SLC22A3: variants seen among roughly 807,000 people sequenced by gnomAD.
SLC22A3 encodes the protein solute carrier family 22 member 3, also known as EMT organic cation transporter 3.
SLC22A3 carries 51 observed loss-of-function variants against 59.1 expected under a neutral mutation model. The observed-to-expected ratio is 0.86, with a 90% confidence interval of 0.69 to 1.09. SLC22A3 has a LOEUF of 1.09. Ranked by LOEUF, SLC22A3 falls within the 50% of genes least tolerant of loss-of-function variation. The probability of loss-of-function intolerance (pLI) is 0.00; values close to 1 mark genes in which losing one functional copy is unlikely to be tolerated. For missense variants in SLC22A3, 711 were observed against 726.3 expected (o/e 0.98, Z 0.24); for synonymous variants, 325 against 292.0 (o/e 1.11, Z -1.15).
chr6:160,400,084 A>ATTTTTTTTT lies in SLC22A3; in HGVS notation c.533+2020_533+2028dup, dbSNP rs760874011. ...TCAAAGGAGGGCCCAAGCTTTTGTG[A>ATTTTTTTTT]TTTTTTTTTTTTTTTTTTTTTTTTT... is the stretch of plus-strand genomic sequence containing the variant. On this transcript the variant is annotated intron_variant, in intron 2 of 10. Transcript: ENST00000275300. Among the ~76,000 whole-genome samples, 52 of 95,434 alleles carry ATTTTTTTTT rather than the reference A, an allele frequency of 5.4e-4. 2 individuals are homozygous for ATTTTTTTTT. Among genetic ancestry groups the ATTTTTTTTT allele is most frequent in the African/African-American group, 2.1e-3 (52 of 24,494 alleles). 62.6% of individuals were successfully genotyped at this position (95,434 alleles called of 152,430 possible). A position where few individuals can be genotyped will look rare whatever the true frequency, so the allele number is the denominator to read the frequency against.
Position 160,451,026 on chromosome 6 carries a change from G to A in SLC22A3, c.1641G>A (p.Lys547=), listed in dbSNP as rs1562508060. ...ATTCCTGTAAATGTGGCAGGAATAAGAAAACCCCAGTTTCCCGCTCTCACC... is the reference window on the plus strand; with the variant it reads ...ATTCCTGTAAATGTGGCAGGAATAAAAAAACCCCAGTTTCCCGCTCTCACC... ...SPHSCKCGRN[K]KTPVSRSHL The change falls in exon 11 of 11, where the codon AAG becomes AAA. Residue 547 remains lysine, a synonymous_variant. Transcript: ENST00000275300. 1 of 1,595,432 alleles carries A rather than the reference G, an allele frequency of 6.3e-7. No homozygotes were observed. The highest frequency in any genetic ancestry group is 8.6e-7 in the Non-Finnish European group (1 of 1,169,288).
At chr6:160,410,905 C>T in intron 5 of SLC22A3, 59 bp downstream of exon 5, 6 of 1,001,460 alleles carry the variant, frequency 6.0e-6, no homozygotes, top group Non-Finnish European at 9.4e-6. Flanking sequence ...GATTTTGTTG[C>T]TTCTTGTGTA....
intron 5 of SLC22A3, chr6:160,426,257 A>C: frequency 1.0e-6 from 1 of 985,392 alleles, no homozygotes; most frequent in Non-Finnish European, 1.2e-6. Flanking sequence ...TGGATATTTG[A>C]CAAATTTGGA....
At chr6:160,351,448 T>G (rs1784658889) in intron 1 of SLC22A3, among the ~76,000 whole-genome samples, 1 of 152,226 alleles carries the variant, frequency 6.6e-6, no homozygotes, top group African/African-American at 2.4e-5. Context: ...TGTGCTTCTT[T>G]TGGTTTGTTT....
At chr6:160,403,114 A>T (rs1472836556) in intron 2 of SLC22A3, among the ~76,000 whole-genome samples, 1 of 151,560 alleles carries the variant, frequency 6.6e-6, no homozygotes, top group Non-Finnish European at 1.5e-5. Context: ...TGAAACGATC[A>T]AAAAAAATCA....
chr6:160,413,124 A>G (rs1787324386), intron 5 of SLC22A3, among the ~76,000 whole-genome samples: 1 of 152,220 alleles, frequency 6.6e-6, no homozygotes, highest in African/African-American at 2.4e-5. Context: ...ATAATGTTGG[A>G]TTAACCAGGC....
Position 160,348,769 on chromosome 6 carries a change from TC to T in SLC22A3, c.354del (p.Asn119ThrfsTer43). 6.5e-7 allele frequency: 1 copy of T among 1,547,518 alleles called. No individual in the cohort carries two copies. The highest frequency in any genetic ancestry group is 8.7e-7 in the Non-Finnish European group (1 of 1,153,084). On this transcript the variant is annotated frameshift_variant, in exon 1 of 11. Coordinates refer to ENST00000275300, the MANE Select transcript of SLC22A3 (RefSeq NM_021977.4). LOFTEE classifies it high-confidence loss of function. ...AGCTGCGCGGACCCACTCGCCGCCT[TC>T]CCCAACCGCTCGGCTCCCCTTGTGC... is the stretch of plus-strand genomic sequence containing the variant. ...ALSCADPLAA[F>X]PNRSAPLVPC...
intron 4 of SLC22A3, among the ~76,000 whole-genome samples, chr6:160,410,155 T>A (rs913340786): frequency 6.6e-6 from 1 of 152,208 alleles, no homozygotes; most frequent in African/African-American, 2.4e-5. Context: ...TAGCTGGGAT[T>A]ACAGGCATGC....
At chr6:160,383,840 T>C (rs773803174) in intron 1 of SLC22A3, among the ~76,000 whole-genome samples, 1 of 152,228 alleles carries the variant, frequency 6.6e-6, no homozygotes, top group Non-Finnish European at 1.5e-5. Context: ...TAACAACTAT[T>C]TACATAGCTA....
Position 160,408,936 on chromosome 6 carries a change from G to T in SLC22A3, c.857+15G>T, listed in dbSNP as rs759051650. On this transcript the variant is annotated intron_variant, in intron 4 of 10. Transcript: ENST00000275300. The stretch of plus-strand genomic sequence containing the variant: ...CTTTATTACTGGTAATGTGGTTTTG[G>T]TTATCATCATATTTATACTGATTCT... The T allele has an allele frequency of 6.2e-7, 1 of 1,608,750 alleles. No individual in the cohort carries two copies. The highest frequency in any genetic ancestry group is 1.1e-5 in the South Asian group (1 of 90,960).
chr6:160,357,712 A>T (rs1254285362), intron 1 of SLC22A3, among the ~76,000 whole-genome samples: 3 of 152,258 alleles, frequency 2.0e-5, no homozygotes, highest in African/African-American at 7.2e-5. Flanking sequence ...AGTCACCTGG[A>T]TAGTTAAAAA....
At chr6:160,450,183 C>T (rs546008146) in intron 10 of SLC22A3, among the ~76,000 whole-genome samples, 39 of 152,194 alleles carry the variant, frequency 2.6e-4, no homozygotes, top group Middle Eastern at 6.8e-3. Context: ...TATTTCAGTC[C>T]TTATCTCAAC....
At chr6:160,434,921 C>G (rs1313506684) in intron 5 of SLC22A3, among the ~76,000 whole-genome samples, 1 of 152,236 alleles carries the variant, frequency 6.6e-6, no homozygotes, top group Non-Finnish European at 1.5e-5. Context: ...CAGCCAAGCT[C>G]TAGTGAGGCA....
Position 160,398,067 on chromosome 6 carries a change from G to A in SLC22A3, c.518G>A (p.Gly173Asp), listed in dbSNP as rs776692219. 2 of 1,613,254 alleles carry A rather than the reference G, an allele frequency of 1.2e-6. No individual in the cohort carries two copies. Among genetic ancestry groups the A allele is most frequent in the African/African-American group, 2.7e-5 (2 of 74,876 alleles). ...TTCCTGACTGGAGCATTCACCTTAG[G>A]CTATGCAGCAGACAGGTAGGTACCA... ...LGFLTGAFTL[G>D]YAADRYGRIV... The change falls in exon 2 of 11, where the codon GGC becomes GAC. Residue 173 changes from glycine (G) to aspartate (D), a missense_variant. Transcript: ENST00000275300.
chr6:160,414,896 C>T (rs1787409860), intron 5 of SLC22A3, among the ~76,000 whole-genome samples: 1 of 152,140 alleles, frequency 6.6e-6, no homozygotes, highest in African/African-American at 2.4e-5. Flanking sequence ...AGTACTCTTT[C>T]GGATGCTCAA....
intron 1 of SLC22A3, among the ~76,000 whole-genome samples, chr6:160,355,354 C>T (rs569909511): frequency 1.8e-3 from 273 of 152,312 alleles, no homozygotes; most frequent in Middle Eastern, 3.4e-3. Context: ...AGGCTTTTCC[C>T]TCTCTTAGCC....
intron 1 of SLC22A3, among the ~76,000 whole-genome samples, chr6:160,397,410 T>G (rs1786523197): frequency 6.6e-6 from 1 of 151,936 alleles, no homozygotes; most frequent in South Asian, 2.1e-4. Flanking sequence ...GACTCGGTGG[T>G]TGGGGACTCT....
Position 160,370,674 on chromosome 6 carries a change from C to T in SLC22A3, c.429+21826C>T, listed in dbSNP as rs570712719. Among the ~76,000 whole-genome samples, 15 of 152,296 alleles carry T rather than the reference C, an allele frequency of 9.8e-5. No homozygotes were observed. In the East Asian group the frequency reaches 2.9e-3, roughly 29 times the overall value. On this transcript the variant is annotated intron_variant, in intron 1 of 10. Coordinates refer to ENST00000275300, the MANE Select transcript of SLC22A3 (RefSeq NM_021977.4). The stretch of plus-strand genomic sequence containing the variant: ...GATTTTGCAAAGCTTAAACTATTTT[C>T]ACATTTGTTCCTTCAGTCCAGGCTT...
intron 10 of SLC22A3, among the ~76,000 whole-genome samples, chr6:160,450,738 T>A (rs1381411499): frequency 6.6e-6 from 1 of 152,216 alleles, no homozygotes; most frequent in Non-Finnish European, 1.5e-5. Context: ...CATATCAAAA[T>A]GAAATCTTCA....
Sources: gnomAD v4.1 joint callset for allele counts (sites outside exome capture counted in the v4.1 genomes callset) on GRCh38, gnomAD v4.1.1 for gene constraint, MANE v1.5 for transcripts, NCBI Gene and HGNC (gene_info 2026-07-23, HGNC 2026-07-21) for gene names.